The following DDX60 variants were observed in gnomAD, a reference collection of about 807,000 sequenced individuals.
DDX60 encodes DExD/H-box helicase 60.
In DDX60, 165 loss-of-function variants were observed where a neutral mutation model predicts 212.8. That is an observed-to-expected ratio of 0.78 (90% CI 0.68 to 0.88). The LOEUF is 0.88. Ranked by LOEUF, DDX60 falls within the 40% of genes least tolerant of loss-of-function variation. The pLI is 0.00. For missense variants in DDX60, 1,905 were observed against 2,003.9 expected (o/e 0.95, Z 0.94); for synonymous variants, 703 against 685.3 (o/e 1.03, Z -0.40).
At chr4:168,230,816 A>G (rs1733423964) in intron 33 of DDX60, among the ~76,000 whole-genome samples, 2 of 152,128 alleles carry the variant, frequency 1.3e-5, no homozygotes, top group Non-Finnish European at 2.9e-5. Flanking sequence ...CAAACCCAGC[A>G]GAAGAAAAGA....
chr4:168,275,885 G>T, intron 15 of DDX60, 130 bp downstream of exon 15: 2 of 773,894 alleles, frequency 2.6e-6, no homozygotes, highest in Non-Finnish European at 3.8e-6. Flanking sequence ...TGGGCAGTTG[G>T]GTTACTACTA....
At chr4:168,235,551 T>C (rs2149495639) in intron 33 of DDX60, among the ~76,000 whole-genome samples, 1 of 152,258 alleles carries the variant, frequency 6.6e-6, no homozygotes, top group South Asian at 2.1e-4. Context: ...GGGCATTCTG[T>C]GAGAGCACAG....
At position 168,216,718 on chromosome 4, in the gene DDX60, T is replaced by C. The variant is rs935812639; in HGVS notation, c.*215A>G. The C allele has an allele frequency of 7.6e-6, 3 of 393,682 alleles. No homozygotes were observed. Among genetic ancestry groups the C allele is most frequent in the South Asian group, 5.7e-5 (1 of 17,668 alleles). The allele number at this position is 393,682 out of a possible 1,614,324, so 24.4% of individuals were successfully genotyped here. ...ACTCAGTTATAAAAAGAAACCAAGATTCAGGTATACTAAATAATTTGTGAG... is the reference window on the plus strand; with the variant it reads ...ACTCAGTTATAAAAAGAAACCAAGACTCAGGTATACTAAATAATTTGTGAG... On this transcript the variant is annotated 3_prime_UTR_variant, in exon 38 of 38. Coordinates refer to ENST00000393743, the MANE Select transcript of DDX60 (RefSeq NM_017631.6).
intron 7 of DDX60, 30 bp downstream of exon 7, chr4:168,293,757 T>C (rs1003487927): frequency 6.5e-7 from 1 of 1,542,864 alleles, no homozygotes; most frequent in Non-Finnish European, 8.8e-7. Flanking sequence ...AGAGAAATAG[T>C]ATTTCTCAGT....
At chr4:168,242,185 T>G (rs749556265) in intron 30 of DDX60, among the ~76,000 whole-genome samples, 14 of 152,188 alleles carry the variant, frequency 9.2e-5, no homozygotes, top group Non-Finnish European at 1.8e-4. Context: ...GGCAGAAGTT[T>G]GCTGCAGAGA....
At chr4:168,235,560 A>C (rs915745632) in intron 33 of DDX60, among the ~76,000 whole-genome samples, 6 of 152,166 alleles carry the variant, frequency 3.9e-5, no homozygotes, top group Middle Eastern at 3.2e-3. Context: ...GTGAGAGCAC[A>C]GATTTTTAAT....
At position 168,276,138 on chromosome 4, in the gene DDX60, T is replaced by C; in HGVS notation, c.2022A>G (p.Lys674=). The C allele has an allele frequency of 1.2e-6, 2 of 1,613,296 alleles. No individual in the cohort carries two copies. The highest frequency in any genetic ancestry group is 1.3e-5 in the African/African-American group (1 of 75,032). The change falls in exon 15 of 38, where the codon AAA becomes AAG. Residue 674 remains lysine, a synonymous_variant. Transcript: ENST00000393743. ...KDLSIAVQVM[K]RIHSLMEKYS... is the part of the protein sequence containing the mutation. ...ATTTTTCCATCAAGGAGTGGATCCT[T>C]TTCATCACCTGAACAGCTATACTTA...
intron 33 of DDX60, among the ~76,000 whole-genome samples, chr4:168,230,584 G>A (rs1374102796): frequency 6.6e-6 from 1 of 152,128 alleles, no homozygotes; most frequent in Non-Finnish European, 1.5e-5. Context: ...GCTCCTGAAT[G>A]ATTATTGGGT....
chr4:168,252,266 A>C (rs1734247594), intron 27 of DDX60, among the ~76,000 whole-genome samples: 4 of 152,252 alleles, frequency 2.6e-5, no homozygotes, highest in Admixed American at 2.6e-4. Flanking sequence ...AGTGTGTGCT[A>C]CTAGGGAATT....
intron 32 of DDX60, 99 bp downstream of exon 32, chr4:168,237,187 T>TTAATTAA: frequency 2.4e-6 from 2 of 827,540 alleles, no homozygotes; most frequent in Non-Finnish European, 3.3e-6. Flanking sequence ...TTAATTGTAT[T>TTAATTAA]TTCTTTATTA....
At chr4:168,309,437 T>A (rs535369282) in intron 3 of DDX60, among the ~76,000 whole-genome samples, 34 of 152,170 alleles carry the variant, frequency 2.2e-4, no homozygotes, top group Admixed American at 5.2e-4. Flanking sequence ...TGTAAAAAAA[T>A]TTTTTTAAAG....
Position 168,267,628 on chromosome 4 carries a change from A to T in DDX60, c.2993T>A (p.Ile998Asn). The stretch of plus-strand genomic sequence containing the variant: ...ACATGGGTGAAAATGATCAAAATGA[A>T]TGTCACCATGTTTTATTGAACATAC... Reference protein sequence around the residue: ...KHVCSIKHGDIHFDHFHPCAA... With the variant: ...KHVCSIKHGDNHFDHFHPCAA... The change falls in exon 22 of 38, where the codon ATT becomes AAT. Residue 998 changes from isoleucine to asparagine, a missense_variant. Ile to Asn is a moderately radical substitution (Grantham distance 149). Coordinates refer to ENST00000393743, the MANE Select transcript of DDX60 (RefSeq NM_017631.6). The T allele has an allele frequency of 6.2e-7, 1 of 1,603,278 alleles. No homozygotes were observed. The highest frequency in any genetic ancestry group is 8.5e-7 in the Non-Finnish European group (1 of 1,174,608).
chr4:168,278,902 T>G (rs539208765), intron 14 of DDX60, among the ~76,000 whole-genome samples: 2 of 152,276 alleles, frequency 1.3e-5, no homozygotes, highest in East Asian at 3.9e-4. Context: ...GCCACATTTC[T>G]GGCAGAGTTG....
At chr4:168,229,312 T>TA (rs1733365387) in intron 33 of DDX60, among the ~76,000 whole-genome samples, 1 of 151,948 alleles carries the variant, frequency 6.6e-6, no homozygotes, top group African/African-American at 2.4e-5. Flanking sequence ...CCAAGTGAAA[T>TA]ATAGGTGTAG....
intron 27 of DDX60, among the ~76,000 whole-genome samples, chr4:168,252,065 A>T (rs917535429): frequency 3.9e-5 from 6 of 152,354 alleles, no homozygotes; most frequent in South Asian, 2.1e-4. Context: ...AATTCTGTGA[A>T]TATTACTTAA....
intron 6 of DDX60, among the ~76,000 whole-genome samples, chr4:168,295,689 G>A (rs546831886): frequency 3.3e-5 from 5 of 152,156 alleles, no homozygotes; most frequent in Non-Finnish European, 4.4e-5. Flanking sequence ...ACAGTATTTC[G>A]AAGGTATATC....
chr4:168,280,942 C>G (rs894126062), intron 13 of DDX60, among the ~76,000 whole-genome samples: 16 of 152,006 alleles, frequency 1.1e-4, no homozygotes, highest in African/African-American at 3.9e-4. Context: ...GAGTTTCAGA[C>G]CAGCCTGGCC....
At chr4:168,254,688 G>A (rs146367003) in intron 26 of DDX60, among the ~76,000 whole-genome samples, 37 of 152,266 alleles carry the variant, frequency 2.4e-4, no homozygotes, top group Middle Eastern at 3.4e-3. Context: ...TATTGAAAGT[G>A]TAGAAGAACA....
chr4:168,241,651 A>G (rs1467168542), intron 30 of DDX60, among the ~76,000 whole-genome samples: 1 of 152,196 alleles, frequency 6.6e-6, no homozygotes, highest in Non-Finnish European at 1.5e-5. Flanking sequence ...TCTAAGCAGC[A>G]AAGCATTCAA....
Sources: allele counts gnomAD v4.1 joint callset (sites outside exome capture counted in the v4.1 genomes callset), GRCh38; gene constraint gnomAD v4.1.1; transcripts MANE v1.5; gene names NCBI Gene and HGNC (gene_info 2026-07-23, HGNC 2026-07-21).